The following NBEA variants were observed in gnomAD, a reference collection of about 807,000 sequenced individuals.
The protein encoded by NBEA is lysosomal-trafficking regulator 2.
Under a neutral mutation model 343.4 loss-of-function variants are expected in NBEA, and 44 were observed. That is an observed-to-expected ratio of 0.13 (90% CI 0.10 to 0.16). The LOEUF (loss-of-function observed/expected upper bound fraction) is 0.16. NBEA is among the 10% of genes least tolerant of loss of function. The pLI is 1.00. For missense variants in NBEA, 2,555 were observed against 3,631.3 expected (o/e 0.70, Z 7.62); for synonymous variants, 1,175 against 1,238.7 (o/e 0.95, Z 1.08).
chr13:35,318,782 T>G (rs1367077245), intron 36 of NBEA, among the ~76,000 whole-genome samples: 1 of 152,130 alleles, frequency 6.6e-6, no homozygotes, highest in South Asian at 2.1e-4. Flanking sequence ...ATTTCAGAAC[T>G]TGTTATTGGT....
intron 38 of NBEA, among the ~76,000 whole-genome samples, chr13:35,360,846 ACCT>A (rs1254059696): frequency 6.6e-6 from 1 of 151,974 alleles, no homozygotes; most frequent in African/African-American, 2.4e-5. Context: ...AGCTTCAGGC[ACCT>A]CTGGGATAAT....
intron 38 of NBEA, among the ~76,000 whole-genome samples, chr13:35,421,598 T>C (rs2044274511): frequency 6.6e-6 from 1 of 152,124 alleles, no homozygotes; most frequent in African/African-American, 2.4e-5. Flanking sequence ...CTATTATAGA[T>C]AGTCATGTTT....
At chr13:35,081,463 CT>C (rs2064392474) in intron 10 of NBEA, among the ~76,000 whole-genome samples, 1 of 151,144 alleles carries the variant, frequency 6.6e-6, no homozygotes, top group Admixed American at 6.6e-5. Context: ...ATTTTTTGAA[CT>C]TTTTTTCATA....
intron 1 of NBEA, among the ~76,000 whole-genome samples, chr13:34,970,733 T>C (rs2059971909): frequency 6.6e-6 from 1 of 151,998 alleles, no homozygotes; most frequent in Non-Finnish European, 1.5e-5. Context: ...TGTTGATCTG[T>C]GTGTCTGTTC....
intron 36 of NBEA, among the ~76,000 whole-genome samples, chr13:35,320,278 C>T (rs1237715983): frequency 6.6e-6 from 1 of 152,134 alleles, no homozygotes; most frequent in Non-Finnish European, 1.5e-5. Context: ...GGAGCTCTTG[C>T]AAGGCAGACC....
chr13:35,390,241 T>C (rs2042436945), intron 38 of NBEA, among the ~76,000 whole-genome samples: 1 of 151,966 alleles, frequency 6.6e-6, no homozygotes, highest in South Asian at 2.1e-4. Flanking sequence ...GCTAATACCT[T>C]TTCTATAAAA....
intron 43 of NBEA, among the ~76,000 whole-genome samples, chr13:35,554,725 G>A (rs2079506269): frequency 6.6e-6 from 1 of 152,064 alleles, no homozygotes. Context: ...TTGTGGATTT[G>A]TGACTCATTT....
intron 1 of NBEA, among the ~76,000 whole-genome samples, chr13:35,013,456 C>A (rs915613507): frequency 6.6e-6 from 1 of 151,704 alleles, no homozygotes; most frequent in South Asian, 2.1e-4. Context: ...CATTTATTAG[C>A]ATGAATTAAA....
At chr13:35,557,709 C>G (rs2079643861) in intron 44 of NBEA, among the ~76,000 whole-genome samples, 1 of 151,960 alleles carries the variant, frequency 6.6e-6, no homozygotes, top group Non-Finnish European at 1.5e-5. Context: ...CACTTACAGT[C>G]TAGATGAATA....
chr13:35,624,648 A>G (rs1470886923), intron 48 of NBEA, among the ~76,000 whole-genome samples: 1 of 152,146 alleles, frequency 6.6e-6, no homozygotes, highest in Non-Finnish European at 1.5e-5. Context: ...TATGTAAGAA[A>G]TAAGATAATT....
At chr13:35,174,634 T>C (rs2070734031) in intron 27 of NBEA, among the ~76,000 whole-genome samples, 1 of 152,144 alleles carries the variant, frequency 6.6e-6, no homozygotes, top group African/African-American at 2.4e-5. Flanking sequence ...TGACTATATA[T>C]TATTTACTGC....
chr13:34,995,741 G>A (rs945219523), intron 1 of NBEA, among the ~76,000 whole-genome samples: 1 of 152,170 alleles, frequency 6.6e-6, no homozygotes, highest in Non-Finnish European at 1.5e-5. Flanking sequence ...ATGAGTACAC[G>A]CTCAAGTTTC....
At chr13:35,054,803 C>G (rs972663995) in intron 6 of NBEA, among the ~76,000 whole-genome samples, 9 of 151,910 alleles carry the variant, frequency 5.9e-5, no homozygotes, top group Non-Finnish European at 8.8e-5. Flanking sequence ...GCCACCAGGC[C>G]TGGCTAATTT....
chr13:35,444,001 A>T (rs1354744794), intron 39 of NBEA, among the ~76,000 whole-genome samples: 1 of 152,016 alleles, frequency 6.6e-6, no homozygotes, highest in East Asian at 1.9e-4. Context: ...TGGAATTTAG[A>T]TGATTTACAA....
At chr13:35,521,952 T>C (rs1194301389) in intron 41 of NBEA, among the ~76,000 whole-genome samples, 3 of 152,044 alleles carry the variant, frequency 2.0e-5, no homozygotes, top group Admixed American at 6.6e-5. Context: ...TGGAGAAAGA[T>C]AGGAAGATTC....
chr13:35,061,503 A>G (rs1053460648), intron 8 of NBEA, among the ~76,000 whole-genome samples: 6 of 151,824 alleles, frequency 4.0e-5, no homozygotes, highest in African/African-American at 1.4e-4. Context: ...AGATTTTAAC[A>G]AAGTTTTTAT....
intron 1 of NBEA, among the ~76,000 whole-genome samples, chr13:34,992,792 C>T (rs1479587628): frequency 5.3e-5 from 8 of 151,822 alleles, no homozygotes; most frequent in Non-Finnish European, 1.2e-4. Context: ...CCTGCCTCAG[C>T]CTCCTGAGTA....
intron 48 of NBEA, among the ~76,000 whole-genome samples, chr13:35,624,035 T>C (rs2083113378): frequency 1.4e-5 from 2 of 139,030 alleles, no homozygotes; most frequent in African/African-American, 5.6e-5. Context: ...AATGTGTGTG[T>C]ATATGCCTGT....
intron 34 of NBEA, among the ~76,000 whole-genome samples, chr13:35,259,718 T>A (rs2033035426): frequency 1.3e-5 from 2 of 152,178 alleles, no homozygotes; most frequent in Non-Finnish European, 2.9e-5. Flanking sequence ...CAGATAATCA[T>A]TTGAATTTTT....
Sources: allele counts gnomAD v4.1 joint callset (sites outside exome capture counted in the v4.1 genomes callset), GRCh38; gene constraint gnomAD v4.1.1; transcripts MANE v1.5; gene names NCBI Gene and HGNC (gene_info 2026-07-23, HGNC 2026-07-21).